The following PDE4D variants were observed in gnomAD, a reference collection of about 807,000 sequenced individuals.
The protein encoded by PDE4D is 3',5'-cyclic-AMP phosphodiesterase 4D.
Under a neutral mutation model 87.4 loss-of-function variants are expected in PDE4D, and 24 were observed. The observed-to-expected ratio is 0.27, with a 90% CI of 0.20 to 0.39. PDE4D has a LOEUF of 0.39. PDE4D is among the 10% of genes least tolerant of loss of function. The probability of loss-of-function intolerance (pLI) is 1.00; values close to 1 mark genes in which losing one functional copy is unlikely to be tolerated. For missense variants in PDE4D, 714 were observed against 1,041.0 expected, an observed-to-expected ratio of 0.69 and a Z score of 4.32; for synonymous variants, 384 against 383.2, an observed-to-expected ratio of 1.00 and a Z score of -0.02.
intron 5 of PDE4D, among the ~76,000 whole-genome samples, chr5:59,044,600 A>C (rs549528122): frequency 6.6e-6 from 1 of 152,100 alleles, no homozygotes; most frequent in Non-Finnish European, 1.5e-5. Flanking sequence ...TTTTTCCTCT[A>C]TACATTTTAT....
intron 2 of PDE4D, among the ~76,000 whole-genome samples, chr5:60,147,446 C>CT (rs1433885178): frequency 6.6e-6 from 1 of 152,148 alleles, no homozygotes; most frequent in Non-Finnish European, 1.5e-5. Flanking sequence ...ATTTCAAACT[C>CT]TAATTTTCTA....
intron 11 of PDE4D, among the ~76,000 whole-genome samples, chr5:58,983,384 G>A (rs1413374128): frequency 1.3e-5 from 2 of 152,186 alleles, no homozygotes; most frequent in East Asian, 1.9e-4. Flanking sequence ...CTGATAGATC[G>A]TGTATTACAC....
Position 59,830,959 on chromosome 5 carries a change from G to A in PDE4D, c.455+62209C>T, listed in dbSNP as rs532258073. On this transcript the variant is annotated intron_variant, in intron 1 of 14. Transcript: ENST00000340635. ...GCACAATTTAGTTAGGGCACAGATA[G>A]CAAGAAGCTGTAAATGTGCTAAAAG... Among the ~76,000 whole-genome samples, 53 of 152,126 alleles carry A rather than the reference G, an allele frequency of 3.5e-4. 2 individuals are homozygous for A. In the Middle Eastern group the frequency reaches 0.01, roughly 29 times the overall value.
At chr5:59,851,128 A>G (rs931165780) in intron 1 of PDE4D, among the ~76,000 whole-genome samples, 8 of 152,038 alleles carry the variant, frequency 5.3e-5, no homozygotes, top group African/African-American at 9.7e-5. Context: ...ACACTCATGC[A>G]GCCTGGAGAG....
intron 3 of PDE4D, among the ~76,000 whole-genome samples, chr5:59,929,784 G>A (rs1043817443): frequency 1.3e-5 from 2 of 152,092 alleles, no homozygotes; most frequent in Non-Finnish European, 2.9e-5. Flanking sequence ...TACTGCCTAA[G>A]ACAAGCCCAC....
intron 1 of PDE4D, among the ~76,000 whole-genome samples, chr5:59,877,748 C>A (rs2152743231): frequency 6.6e-6 from 1 of 151,888 alleles, no homozygotes; most frequent in Non-Finnish European, 1.5e-5. Context: ...AAGCCCGGGA[C>A]AAGGAGGTTG....
chr5:59,955,348 A>G (rs1176053494), intron 3 of PDE4D, among the ~76,000 whole-genome samples: 2 of 152,230 alleles, frequency 1.3e-5, no homozygotes, highest in African/African-American at 4.8e-5. Context: ...TCCCTCAGGC[A>G]ATATCTGCTT....
chr5:59,805,734 A>T (rs1188911035), intron 1 of PDE4D, among the ~76,000 whole-genome samples: 6 of 152,256 alleles, frequency 3.9e-5, no homozygotes, highest in Admixed American at 1.3e-4. Flanking sequence ...TAAAAATCTC[A>T]AAGAAGACCA....
rs962324258 is a variant in PDE4D, at chr5:59,812,001, A to G, written c.455+81167T>C. Among the ~76,000 whole-genome samples the G allele has an allele frequency of 9.2e-5, 14 of 152,322 alleles. No homozygotes were observed. In the East Asian group the frequency reaches 1.4e-3, roughly 15 times the overall value. ...GGTTGAGCCTAGCGCGAGGAAAGTG[A>G]CTGAGTCCTGGTCCCACAAACCTGT... On this transcript the variant is annotated intron_variant, in intron 1 of 14. Transcript: ENST00000340635.
intron 3 of PDE4D, among the ~76,000 whole-genome samples, chr5:59,963,142 CA>C (rs1759661302): frequency 6.6e-6 from 1 of 152,152 alleles, no homozygotes; most frequent in Non-Finnish European, 1.5e-5. Flanking sequence ...TGCTGAGGCT[CA>C]ACGTTTCCTC....
chr5:59,784,522 T>A (rs1764960855), intron 1 of PDE4D, among the ~76,000 whole-genome samples: 1 of 152,224 alleles, frequency 6.6e-6, no homozygotes. Context: ...TTACCTTTTG[T>A]ATTTGTTAAG....
At chr5:58,987,655 G>T (rs1204110196) in intron 11 of PDE4D, among the ~76,000 whole-genome samples, 1 of 151,308 alleles carries the variant, frequency 6.6e-6, no homozygotes, top group Non-Finnish European at 1.5e-5. Context: ...AAGAAAGGTG[G>T]ATTCTTAAGC....
chr5:59,637,269 A>G (rs1832365463), intron 1 of PDE4D, among the ~76,000 whole-genome samples: 1 of 152,188 alleles, frequency 6.6e-6, no homozygotes, highest in Admixed American at 6.5e-5. Flanking sequence ...GGATGTGGAG[A>G]AATAGGAATG....
chr5:59,503,807 C>A (rs932821959), intron 1 of PDE4D, among the ~76,000 whole-genome samples: 1 of 152,100 alleles, frequency 6.6e-6, no homozygotes, highest in Non-Finnish European at 1.5e-5. Flanking sequence ...GGAGTTGGAA[C>A]TCTCCAGAAC....
chr5:60,104,704 C>T (rs962102081), intron 2 of PDE4D, among the ~76,000 whole-genome samples: 15 of 152,288 alleles, frequency 9.8e-5, no homozygotes, highest in East Asian at 5.8e-4. Context: ...TTGCGGTTCA[C>T]GAAAATCCGC....
At chr5:59,773,026 C>T (rs536560838) in intron 1 of PDE4D, among the ~76,000 whole-genome samples, 1 of 152,086 alleles carries the variant, frequency 6.6e-6, no homozygotes, top group Non-Finnish European at 1.5e-5. Context: ...TGTGTTAATC[C>T]CCATGATATA....
intron 1 of PDE4D, among the ~76,000 whole-genome samples, chr5:60,321,975 C>T (rs1485898364): frequency 1.3e-5 from 2 of 151,832 alleles, no homozygotes; most frequent in East Asian, 3.9e-4. Flanking sequence ...TTTAGTTCAG[C>T]CATTGTGGAA....
chr5:60,253,182 G>T (rs1748665016), intron 1 of PDE4D, among the ~76,000 whole-genome samples: 1 of 151,866 alleles, frequency 6.6e-6, no homozygotes, highest in Admixed American at 6.6e-5. Flanking sequence ...TGCTCTGCAG[G>T]TTTCAACCAT....
At chr5:59,732,108 A>G (rs1404928195) in intron 1 of PDE4D, among the ~76,000 whole-genome samples, 2 of 152,182 alleles carry the variant, frequency 1.3e-5, no homozygotes, top group African/African-American at 4.8e-5. Context: ...CTAATGAAAA[A>G]GCAAATAATT....
Sources: allele counts gnomAD v4.1 joint callset (sites outside exome capture counted in the v4.1 genomes callset), GRCh38; gene constraint gnomAD v4.1.1; transcripts MANE v1.5; gene names NCBI Gene and HGNC (gene_info 2026-07-23, HGNC 2026-07-21).